Variants in SYNE2 observed in about 807,000 individuals in gnomAD.
SYNE2 encodes nesprin-2.
In SYNE2, 431 loss-of-function variants were observed where a neutral mutation model predicts 856.3. The observed-to-expected ratio is 0.50, with a 90% confidence interval of 0.47 to 0.55. The LOEUF is 0.55. Ranked by LOEUF, SYNE2 falls within the 20% of genes least tolerant of loss-of-function variation. The probability of loss-of-function intolerance (pLI) is 0.00; values close to 1 mark genes in which losing one functional copy is unlikely to be tolerated. For missense variants in SYNE2, 8,129 were observed against 8,023.2 expected (o/e 1.01, Z -0.50); for synonymous variants, 2,923 against 2,872.3 (o/e 1.02, Z -0.56).
chr14:63,929,727 C>T (rs1014109352), intron 2 of SYNE2, among the ~76,000 whole-genome samples: 2 of 150,780 alleles, frequency 1.3e-5, no homozygotes, highest in East Asian at 2.0e-4. Context: ...GCCGAGATCG[C>T]GCCGTTGCAC....
Position 64,126,477 on chromosome 14 carries a change from G to T in SYNE2, c.13705G>T (p.Glu4569Ter), listed in dbSNP as rs777781350. 3.7e-6 allele frequency: 6 copies of T among 1,614,016 alleles called. No individual in the cohort carries two copies. The highest frequency in any genetic ancestry group is 1.3e-5 in the African/African-American group (1 of 74,918). The change falls in exon 72 of 116, where the codon GAG (glutamate) becomes TAG (stop). Residue 4569 changes from glutamate (E) to a stop codon, truncating the protein, a stop_gained and splice_region_variant. Coordinates refer to ENST00000555002, the MANE Select transcript of SYNE2 (RefSeq NM_182914.3). LOFTEE classifies it high-confidence loss of function. ...EDGSGQQVHY[E>*]TLALELKKLY... ...TGGTTCTGGCCAGCAGGTGCACTACGAGGTAGGGCACTTCTCACGAGCCCA... is the reference window on the plus strand; with the variant it reads ...TGGTTCTGGCCAGCAGGTGCACTACTAGGTAGGGCACTTCTCACGAGCCCA...
chr14:64,028,658 C>A (rs1429362081), intron 43 of SYNE2, among the ~76,000 whole-genome samples: 1 of 152,186 alleles, frequency 6.6e-6, no homozygotes, highest in African/African-American at 2.4e-5. Context: ...TATATTCTCT[C>A]ATCAAAATTC....
At chr14:64,029,101 A>G (rs781631462) in intron 43 of SYNE2, among the ~76,000 whole-genome samples, 2 of 152,064 alleles carry the variant, frequency 1.3e-5, no homozygotes, top group Non-Finnish European at 2.9e-5. Context: ...GCACCGCCGC[A>G]CTCCAGCCTG....
At position 63,969,140 on chromosome 14, in the gene SYNE2, C is replaced by G. The variant is rs115120257; in HGVS notation, c.1128+1294C>G. 5.1e-3 allele frequency among the ~76,000 whole-genome samples: 770 copies of G among 151,460 alleles called. 2 individuals carry two copies. Among genetic ancestry groups the G allele is most frequent in the African/African-American group, 0.018 (724 of 41,300 alleles). On this transcript the variant is annotated intron_variant, in intron 11 of 115. Coordinates refer to ENST00000555002, the MANE Select transcript of SYNE2 (RefSeq NM_182914.3). ...TGACATAGTGACTTCCACTTCCATC[C>G]ACATTGTTGCAAATGACAGAATCTC...
intron 46 of SYNE2, 197 bp from the exon 47 acceptor site, chr14:64,049,414 C>A (rs891147056): frequency 1.0e-4 from 19 of 187,278 alleles, no homozygotes; most frequent in Admixed American, 2.7e-4. Flanking sequence ...ACCCTGCACT[C>A]CAGCCTGGGT....
chr14:64,203,099 GACC>G (rs1456327323), intron 100 of SYNE2, 136 bp downstream of exon 100: 1 of 1,144,038 alleles, frequency 8.7e-7, no homozygotes, highest in African/African-American at 1.5e-5. Context: ...AGAGAAAACT[GACC>G]ACCTTTCCAT....
rs768268813 is a variant in SYNE2, at chr14:64,122,390, A to G, written c.13385A>G (p.Lys4462Arg). The G allele has an allele frequency of 6.2e-7, 1 of 1,614,198 alleles. No individual in the cohort carries two copies. The highest frequency in any genetic ancestry group is 1.1e-5 in the South Asian group (1 of 91,080). Reference protein sequence around the residue: ...WQYLHHELSSKIKLPLPQLVE... With the variant: ...WQYLHHELSSRIKLPLPQLVE... ...TATCTGCATCATGAACTCTCATCAA[A>G]AATAAAGCTCCCACTCCCTCAGCTT... is the stretch of plus-strand genomic sequence containing the variant. Residue 4462 changes from lysine (K) to arginine (R), a missense_variant, in exon 70 of 116, where the codon AAA (lysine) becomes AGA (arginine). Lys to Arg is a conservative substitution (Grantham distance 26, BLOSUM62 2). Around this residue, in one of 3 missense-constraint regions of SYNE2, gnomAD observed 5,410 missense variants for 5,284.8 expected, o/e 1.02. Coordinates refer to ENST00000555002, the MANE Select transcript of SYNE2 (RefSeq NM_182914.3).
chr14:63,869,425 C>T (rs544965908), intron 1 of SYNE2, among the ~76,000 whole-genome samples: 1 of 151,976 alleles, frequency 6.6e-6, no homozygotes, highest in East Asian at 1.9e-4. Flanking sequence ...AGTTTGAGAC[C>T]AGCCTGGTCA....
chr14:64,031,164 A>G lies in SYNE2; in HGVS notation c.7028A>G (p.Glu2343Gly), dbSNP rs770601583. 26 of 1,614,102 alleles carry G rather than the reference A, an allele frequency of 1.6e-5. No homozygotes were observed. The highest frequency in any genetic ancestry group is 2.1e-5 in the Non-Finnish European group (25 of 1,180,036). The stretch of plus-strand genomic sequence containing the variant: ...CTTCAGTGTAAACAAAAAGATTTGG[A>G]AAACAGGCTTGCATCTGCTAAGCAG... ...KSLQCKQKDL[E>G]NRLASAKQEM... The change falls in exon 45 of 116, where the codon GAA becomes GGA. Residue 2343 changes from glutamate to glycine, a missense_variant. Transcript: ENST00000555002.
At chr14:64,064,603 G>A (rs995134988) in intron 50 of SYNE2, among the ~76,000 whole-genome samples, 12 of 146,824 alleles carry the variant, frequency 8.2e-5, no homozygotes, top group Non-Finnish European at 1.5e-5. Flanking sequence ...ACCCAGGCTG[G>A]AGTACAATGG....
intron 1 of SYNE2, among the ~76,000 whole-genome samples, chr14:63,812,265 T>C (rs1276872253): frequency 6.6e-6 from 1 of 152,208 alleles, no homozygotes; most frequent in Non-Finnish European, 1.5e-5. Context: ...TTCAGTGATA[T>C]CTTCTCTACT....
intron 86 of SYNE2, among the ~76,000 whole-genome samples, 191 bp from the exon 87 acceptor site, chr14:64,159,121 C>T (rs1046814674): frequency 7.3e-5 from 11 of 150,666 alleles, no homozygotes; most frequent in Non-Finnish European, 1.5e-5. Context: ...CTTTATATTA[C>T]TTAGTACTTA....
At chr14:63,873,276 A>T (rs957412957) in intron 1 of SYNE2, 3 of 149,678 alleles carry the variant, frequency 2.0e-5, no homozygotes, top group African/African-American at 4.9e-5. Context: ...ATATTTCTTT[A>T]TTTAGAATGG....
intron 1 of SYNE2, among the ~76,000 whole-genome samples, chr14:63,866,706 A>G (rs1895425113): frequency 6.6e-6 from 1 of 152,176 alleles, no homozygotes; most frequent in Non-Finnish European, 1.5e-5. Flanking sequence ...TGGGCGTGGT[A>G]GCTCATGTTG....
chr14:63,762,384 G>A (rs1345812251), intron 1 of SYNE2, among the ~76,000 whole-genome samples: 2 of 146,220 alleles, frequency 1.4e-5, no homozygotes, highest in African/African-American at 2.6e-5. Flanking sequence ...GCAGTGAGCT[G>A]AGACCGTGCC....
chr14:64,029,478 G>A (rs896009654), intron 43 of SYNE2, among the ~76,000 whole-genome samples: 2 of 152,130 alleles, frequency 1.3e-5, no homozygotes, highest in African/African-American at 4.8e-5. Flanking sequence ...ATGAATCTGA[G>A]GTTAGTTTGA....
intron 88 of SYNE2, 93 bp from the exon 89 acceptor site, chr14:64,163,309 A>G: frequency 2.1e-6 from 3 of 1,434,880 alleles, no homozygotes; most frequent in Non-Finnish European, 1.9e-6. Flanking sequence ...TTTCAGGGCA[A>G]ATATTCTCCT....
intron 1 of SYNE2, among the ~76,000 whole-genome samples, chr14:63,874,311 A>C (rs1020898368): frequency 1.3e-5 from 2 of 152,048 alleles, no homozygotes; most frequent in Admixed American, 6.6e-5. Context: ...ATTGCATCTG[A>C]TTTCCTTGTT....
At chr14:64,097,895 G>A (rs1194605024) in intron 61 of SYNE2, 54 bp from the exon 62 acceptor site, 4 of 1,559,042 alleles carry the variant, frequency 2.6e-6, no homozygotes, top group African/African-American at 1.4e-5. Context: ...GGCTGCTCTG[G>A]GCCTGCAGAG....
Sources: allele counts gnomAD v4.1 joint callset (sites outside exome capture counted in the v4.1 genomes callset), GRCh38; gene constraint gnomAD v4.1.1; regional missense constraint gnomAD v4.1.1; transcripts MANE v1.5; gene names NCBI Gene and HGNC (gene_info 2026-07-23, HGNC 2026-07-21).